The following CSMD2 variants were observed in gnomAD, a reference collection of about 807,000 sequenced individuals.
CSMD2 encodes the protein CUB and sushi domain-containing protein 2.
A neutral mutation model predicts 398.5 loss-of-function variants in CSMD2; 130 were observed. The ratio of observed to expected loss-of-function variants is 0.33; its 90% CI spans 0.28 to 0.38. The LOEUF (loss-of-function observed/expected upper bound fraction) is 0.38, where lower values mean the gene tolerates loss of function less well. Ranked by LOEUF, CSMD2 falls within the 10% of genes least tolerant of loss-of-function variation. CSMD2 has a pLI of 1.00. For missense variants in CSMD2, 3,829 were observed against 4,764.9 expected, an observed-to-expected ratio of 0.80 and a Z score of 5.78; for synonymous variants, 1,828 against 1,908.5, an observed-to-expected ratio of 0.96 and a Z score of 1.10.
chr1:34,155,334 G>A (rs976813186), intron 1 of CSMD2, among the ~76,000 whole-genome samples: 1 of 152,150 alleles, frequency 6.6e-6, no homozygotes, highest in Non-Finnish European at 1.5e-5. Flanking sequence ...AATATCGTAG[G>A]AGATGTGAGT....
chr1:34,022,393 G>T (rs1649022340), intron 3 of CSMD2, among the ~76,000 whole-genome samples: 1 of 152,196 alleles, frequency 6.6e-6, no homozygotes, highest in Non-Finnish European at 1.5e-5. Context: ...CTACTATCTG[G>T]ACGAGTTGGG....
intron 4 of CSMD2, 30 bp from the exon 5 acceptor site, chr1:33,918,331 G>A (rs1469275379): frequency 6.2e-7 from 1 of 1,600,636 alleles, no homozygotes; most frequent in Non-Finnish European, 8.5e-7. Flanking sequence ...AGGCTTACAT[G>A]AGTAGTCTGG....
At chr1:34,112,803 G>A (rs1269025261) in intron 1 of CSMD2, 5 of 152,126 alleles carry the variant, frequency 3.3e-5, no homozygotes, top group Non-Finnish European at 5.9e-5. Context: ...AGAAAGAAAA[G>A]GATTCAAGCC....
At chr1:34,162,095 C>T (rs902550347) in intron 1 of CSMD2, among the ~76,000 whole-genome samples, 1 of 150,838 alleles carries the variant, frequency 6.6e-6, no homozygotes, top group African/African-American at 2.5e-5. Context: ...TCACTTGAAC[C>T]CGGGAGGCAG....
chr1:33,788,662 A>G lies in CSMD2; in HGVS notation c.1601T>C (p.Met534Thr). Residue 534 changes from methionine (M) to threonine (T), a missense_variant, in exon 12 of 71, where the codon ATG becomes ACG. This residue lies in a region of CSMD2 where 2,001 missense variants were observed against 2,567.1 expected (regional missense o/e 0.78). Coordinates refer to ENST00000373381, the MANE Select transcript of CSMD2 (RefSeq NM_001281956.2). Reference sequence around the variant, plus strand: ...GCCATCAGTCTGGAAGAGGAGCCACATTTGATGATTGGTGCTGACAATGAG... The same window carrying G: ...GCCATCAGTCTGGAAGAGGAGCCACGTTTGATGATTGGTGCTGACAATGAG... ...PDLIVSTNHQ[M>T]WLLFQTDGSG... is the part of the protein sequence containing the mutation. 6.2e-7 allele frequency: 1 copy of G among 1,614,070 alleles called. No homozygotes were observed. Among genetic ancestry groups the G allele is most frequent in the Non-Finnish European group, 8.5e-7 (1 of 1,179,928 alleles).
chr1:33,674,804 T>G, intron 25 of CSMD2, among the ~76,000 whole-genome samples: 1 of 152,172 alleles, frequency 6.6e-6, no homozygotes, highest in African/African-American at 2.4e-5. Context: ...GTTAAGAAAC[T>G]CACTCAAAAC....
chr1:33,580,105 T>C (rs1025335811), intron 48 of CSMD2, among the ~76,000 whole-genome samples: 8 of 152,228 alleles, frequency 5.3e-5, no homozygotes, highest in Non-Finnish European at 1.0e-4. Context: ...AAGTAATTCA[T>C]TTCTGCCTCC....
Position 33,527,191 on chromosome 1 carries a change from C to T in CSMD2, c.10234+5G>A. On this transcript the variant is annotated splice_donor_5th_base_variant and intron_variant, in intron 65 of 70. Coordinates refer to ENST00000373381, the MANE Select transcript of CSMD2 (RefSeq NM_001281956.2). ...TCTTGAGCCAATGATCTGGACCATACGTACTCAAGGCTTGGGTGAGCGGTG... is the reference window on the plus strand; with the variant it reads ...TCTTGAGCCAATGATCTGGACCATATGTACTCAAGGCTTGGGTGAGCGGTG... 1.9e-6 allele frequency: 3 copies of T among 1,612,606 alleles called. No individual in the cohort carries two copies. The highest frequency in any genetic ancestry group is 2.2e-5 in the East Asian group (1 of 44,874).
chr1:33,529,492 G>C lies in CSMD2; in HGVS notation c.10172-2234C>G, dbSNP rs1219531469. ...CCAGATATAAACTCATACATTTATGGTCAAATGATTTTTGACGGGAGTGTC... is the reference window on the plus strand; with the variant it reads ...CCAGATATAAACTCATACATTTATGCTCAAATGATTTTTGACGGGAGTGTC... On this transcript the variant is annotated intron_variant, in intron 64 of 70. Coordinates refer to ENST00000373381, the MANE Select transcript of CSMD2 (RefSeq NM_001281956.2). 2.0e-5 allele frequency among the ~76,000 whole-genome samples: 3 copies of C among 152,164 alleles called. 1 individual carries two copies. Among genetic ancestry groups the C allele is most frequent in the Admixed American group, 2.0e-4 (3 of 15,278 alleles).
At chr1:33,589,234 A>G (rs182190162) in intron 44 of CSMD2, among the ~76,000 whole-genome samples, 28 of 152,302 alleles carry the variant, frequency 1.8e-4, no homozygotes, top group African/African-American at 6.3e-4. Flanking sequence ...CTCCAGGAAA[A>G]TGGTTCCCAT....
At chr1:33,603,613 C>A (rs761689975) in intron 42 of CSMD2, among the ~76,000 whole-genome samples, 2 of 152,198 alleles carry the variant, frequency 1.3e-5, no homozygotes, top group Non-Finnish European at 2.9e-5. Context: ...GCCTGGGAGA[C>A]AGTGGGGAAC....
chr1:34,003,614 T>C (rs1646968452), intron 3 of CSMD2, among the ~76,000 whole-genome samples: 1 of 152,224 alleles, frequency 6.6e-6, no homozygotes, highest in Admixed American at 6.5e-5. Context: ...CCTTCTTTGC[T>C]GGCATGGATT....
chr1:33,579,031 C>T (rs1211949691), intron 48 of CSMD2, among the ~76,000 whole-genome samples: 1 of 152,184 alleles, frequency 6.6e-6, no homozygotes, highest in African/African-American at 2.4e-5. Context: ...CACTCATCTA[C>T]TCGATCTGAA....
At chr1:34,086,178 C>A (rs1657864085) in intron 2 of CSMD2, among the ~76,000 whole-genome samples, 1 of 152,182 alleles carries the variant, frequency 6.6e-6, no homozygotes, top group Non-Finnish European at 1.5e-5. Flanking sequence ...CAATCAGTGC[C>A]CCATTGGTTT....
chr1:33,521,558 G>C lies in CSMD2; in HGVS notation c.10510-8C>G. ...GGAGGACTCTGACGAGACCTGTGAT[G>C]GTGGGGAGCACAGAGAGCAGGTGGG... On this transcript the variant is annotated splice_polypyrimidine_tract_variant and splice_region_variant and intron_variant, in intron 67 of 70. Transcript: ENST00000373381. The C allele has an allele frequency of 5.1e-6, 8 of 1,580,740 alleles. No homozygotes were observed. Among genetic ancestry groups the C allele is most frequent in the Non-Finnish European group, 6.1e-6 (7 of 1,149,506 alleles).
chr1:33,649,026 A>C (rs1227515456), intron 28 of CSMD2, among the ~76,000 whole-genome samples: 1 of 152,182 alleles, frequency 6.6e-6, no homozygotes, highest in Non-Finnish European at 1.5e-5. Context: ...TTGAGTAATA[A>C]AGTTTATATT....
At chr1:33,526,334 C>G (rs1231483563) in intron 65 of CSMD2, among the ~76,000 whole-genome samples, 1 of 152,194 alleles carries the variant, frequency 6.6e-6, no homozygotes, top group African/African-American at 2.4e-5. Flanking sequence ...AATCTTAGCT[C>G]TGTCACTTAT....
At position 33,521,480 on chromosome 1, in the gene CSMD2, A is replaced by G. The variant is rs1191250430; in HGVS notation, c.10580T>C (p.Phe3527Ser). 6.2e-7 allele frequency: 1 copy of G among 1,605,884 alleles called. No individual in the cohort carries two copies. Among genetic ancestry groups the G allele is most frequent in the Non-Finnish European group, 8.5e-7 (1 of 1,174,940 alleles). The change falls in exon 68 of 71, where the codon TTC becomes TCC. Residue 3527 changes from phenylalanine (F) to serine (S), a missense_variant. Transcript: ENST00000373381. ...GSVKGQGFGQ[F>S]GFQRLDLRLL... is the part of the protein sequence containing the mutation. Reference sequence around the variant, plus strand: ...CTAGTTACCCAGTCTTTGAAAGCCGAACTGCCCAAAGCCTTGGCCCTTGAC... The same window carrying G: ...CTAGTTACCCAGTCTTTGAAAGCCGGACTGCCCAAAGCCTTGGCCCTTGAC...
At chr1:33,542,523 G>A (rs1049524455) in intron 58 of CSMD2, among the ~76,000 whole-genome samples, 197 bp downstream of exon 58, 1 of 152,210 alleles carries the variant, frequency 6.6e-6, no homozygotes, top group Non-Finnish European at 1.5e-5. Flanking sequence ...AATGAAATGT[G>A]CATATGAAAT....
Sources: gnomAD v4.1 joint callset for allele counts (sites outside exome capture counted in the v4.1 genomes callset) on GRCh38, gnomAD v4.1.1 for gene constraint, gnomAD v4.1.1 regional missense constraint, MANE v1.5 for transcripts, NCBI Gene and HGNC (gene_info 2026-07-23, HGNC 2026-07-21) for gene names.